The following SLC24A4 variants were observed in gnomAD, a reference collection of about 807,000 sequenced individuals.
The protein encoded by SLC24A4 is solute carrier family 24 member 4.
Under a neutral mutation model 79.0 loss-of-function variants are expected in SLC24A4, and 53 were observed. The observed-to-expected ratio is 0.67, with a 90% CI of 0.54 to 0.84. The LOEUF is 0.84. SLC24A4 is among the 40% of genes least tolerant of loss of function. SLC24A4 has a pLI of 0.00. For missense variants in SLC24A4, 731 were observed against 822.0 expected (o/e 0.89, Z 1.35); for synonymous variants, 323 against 323.8 (o/e 1.00, Z 0.03).
intron 2 of SLC24A4, among the ~76,000 whole-genome samples, chr14:92,358,668 A>G (rs1887317792): frequency 6.9e-6 from 1 of 145,788 alleles, no homozygotes; most frequent in Non-Finnish European, 1.5e-5. Context: ...TGACTCATCT[A>G]CTGCTGGGAC....
At chr14:92,322,711 G>A (rs116452780), upstream of SLC24A4, 4 of 152,622 alleles carry the variant, frequency 2.6e-5, no homozygotes, top group East Asian at 7.7e-4. Context: ...GTCCAAGCTC[G>A]TGTTGGCTTG....
At chr14:92,342,155 A>C (rs541092549) in intron 2 of SLC24A4, among the ~76,000 whole-genome samples, 1 of 152,080 alleles carries the variant, frequency 6.6e-6, no homozygotes, top group African/African-American at 2.4e-5. Flanking sequence ...ATGAAGTCAG[A>C]GGGGTCTCAG....
intron 7 of SLC24A4, among the ~76,000 whole-genome samples, chr14:92,444,693 A>G (rs1325438449): frequency 6.6e-6 from 1 of 152,138 alleles, no homozygotes; most frequent in Non-Finnish European, 1.5e-5. Context: ...TGTCTCTACT[A>G]AAAGTATAAA....
At chr14:92,473,677 G>A (rs1057395172) in intron 12 of SLC24A4, among the ~76,000 whole-genome samples, 3 of 152,242 alleles carry the variant, frequency 2.0e-5, no homozygotes, top group South Asian at 4.1e-4. Context: ...AAACATGATC[G>A]GGCAGCCCCT....
At chr14:92,370,961 T>A (rs970781732) in intron 2 of SLC24A4, among the ~76,000 whole-genome samples, 1 of 152,210 alleles carries the variant, frequency 6.6e-6, no homozygotes, top group Non-Finnish European at 1.5e-5. Flanking sequence ...AATTAGGTGT[T>A]CCAGCCTGGA....
intron 2 of SLC24A4, among the ~76,000 whole-genome samples, chr14:92,401,588 T>C (rs927502373): frequency 1.3e-5 from 2 of 152,288 alleles, no homozygotes; most frequent in South Asian, 2.1e-4. Context: ...TTTGGAAGAC[T>C]ATTCCCCTGA....
chr14:92,409,171 A>G (rs1223744397), intron 2 of SLC24A4, among the ~76,000 whole-genome samples: 2 of 152,324 alleles, frequency 1.3e-5, no homozygotes, highest in East Asian at 3.9e-4. Flanking sequence ...CAGTCATTCC[A>G]GTTGCTCTGG....
intron 7 of SLC24A4, among the ~76,000 whole-genome samples, chr14:92,444,100 C>T (rs955439966): frequency 1.3e-5 from 2 of 151,900 alleles, no homozygotes; most frequent in Non-Finnish European, 2.9e-5. Context: ...AGCATGGGGA[C>T]CCCCCTACAG....
rs1010039185 is a variant in SLC24A4 at position 92,497,555 on chromosome 14, A to T, written c.*3927A>T. ...GATCAGAGTTCATCCCCCCTGGGAA[A>T]GAGCAAGAGCGAATGAATCCCAGCG... On this transcript the variant is annotated 3_prime_UTR_variant, in exon 17 of 17. Transcript: ENST00000532405. 1 of 152,290 alleles carries T rather than the reference A, an allele frequency of 6.6e-6. No homozygotes were observed. The highest frequency in any genetic ancestry group is 2.4e-5 in the African/African-American group (1 of 41,450). 9.4% of individuals were successfully genotyped at this position (152,290 alleles called of 1,614,324 possible).
chr14:92,476,265 T>A (rs938816588), intron 12 of SLC24A4, among the ~76,000 whole-genome samples: 4 of 152,320 alleles, frequency 2.6e-5, no homozygotes, highest in East Asian at 3.9e-4. Flanking sequence ...TGAGTTGGGA[T>A]GTGGACTCAC....
intron 2 of SLC24A4, among the ~76,000 whole-genome samples, chr14:92,372,235 C>T (rs1306227420): frequency 6.6e-6 from 1 of 152,194 alleles, no homozygotes; most frequent in East Asian, 1.9e-4. Flanking sequence ...TTCTCCCAGC[C>T]CCTGGGACCT....
intron 2 of SLC24A4, among the ~76,000 whole-genome samples, chr14:92,354,839 C>T (rs1385739666): frequency 1.3e-5 from 2 of 152,048 alleles, no homozygotes; most frequent in African/African-American, 2.4e-5. Context: ...TTTGGGAGGC[C>T]GAGGTGGGCG....
chr14:92,448,764 G>T (rs1311433100), intron 9 of SLC24A4, among the ~76,000 whole-genome samples: 1 of 152,160 alleles, frequency 6.6e-6, no homozygotes, highest in Admixed American at 6.5e-5. Context: ...AGGCGAGGCC[G>T]AGCTTCCTTT....
intron 12 of SLC24A4, among the ~76,000 whole-genome samples, chr14:92,469,766 A>G (rs978022221): frequency 6.6e-6 from 1 of 152,222 alleles, no homozygotes; most frequent in Non-Finnish European, 1.5e-5. Flanking sequence ...AGATGCTACA[A>G]TATGGATGAG....
chr14:92,325,144 A>G (rs931881205), intron 1 of SLC24A4, among the ~76,000 whole-genome samples: 8 of 152,222 alleles, frequency 5.3e-5, no homozygotes, highest in African/African-American at 1.7e-4. Flanking sequence ...CATCAGCATT[A>G]TAGAAGAGGT....
rs1219747547 is a variant in SLC24A4, at chr14:92,325,896, TG to T, written c.160del (p.Val54SerfsTer11). On this transcript the variant is annotated frameshift_variant, in exon 2 of 17. Coordinates refer to ENST00000532405, the MANE Select transcript of SLC24A4 (RefSeq NM_153646.4). LOFTEE classifies it high-confidence loss of function. ...GHKTASASKR[V>X]LPDTWRNRKL... Reference sequence around the variant, plus strand: ...ACAAAACAGCTTCTGCTAGCAAACGTGTCCTGCCAGACACGTGGAGAAATAG... The same window carrying T: ...ACAAAACAGCTTCTGCTAGCAAACGTTCCTGCCAGACACGTGGAGAAATAG... The T allele has an allele frequency of 6.2e-7, 1 of 1,611,780 alleles. No homozygotes were observed. The highest frequency in any genetic ancestry group is 8.5e-7 in the Non-Finnish European group (1 of 1,178,964).
chr14:92,352,012 G>A (rs1886924327), intron 2 of SLC24A4, among the ~76,000 whole-genome samples: 1 of 152,294 alleles, frequency 6.6e-6, no homozygotes, highest in East Asian at 1.9e-4. Context: ...AGGGAGATGG[G>A]AGTAATAATG....
intron 2 of SLC24A4, among the ~76,000 whole-genome samples, chr14:92,422,881 A>G (rs1891360478): frequency 6.6e-6 from 1 of 151,788 alleles, no homozygotes; most frequent in South Asian, 2.1e-4. Context: ...TGGTGCCATC[A>G]CTGCTCACTG....
intron 2 of SLC24A4, among the ~76,000 whole-genome samples, chr14:92,429,213 G>A (rs938665496): frequency 4.6e-5 from 7 of 152,094 alleles, no homozygotes; most frequent in Non-Finnish European, 1.0e-4. Flanking sequence ...AGGAGTAGGG[G>A]TGCAGGGAGG....
Sources: gnomAD v4.1 joint callset for allele counts (sites outside exome capture counted in the v4.1 genomes callset) on GRCh38, gnomAD v4.1.1 for gene constraint, MANE v1.5 for transcripts, NCBI Gene and HGNC (gene_info 2026-07-23, HGNC 2026-07-21) for gene names.